PRKAA2: variants seen among roughly 807,000 people sequenced by gnomAD.
PRKAA2 encodes 5'-AMP-activated protein kinase catalytic subunit alpha-2.
A neutral mutation model predicts 56.3 loss-of-function variants in PRKAA2; 40 were observed. The observed-to-expected ratio is 0.71, with a 90% CI of 0.55 to 0.92. PRKAA2 has a LOEUF of 0.92. Among genes scored for constraint, PRKAA2 ranks in the 40% least tolerant of loss-of-function variants. The pLI, the probability that PRKAA2 is intolerant of heterozygous loss-of-function variation, is 0.00. For missense variants in PRKAA2, 542 were observed against 686.9 expected, an observed-to-expected ratio of 0.79 and a Z score of 2.36; for synonymous variants, 214 against 234.2, an observed-to-expected ratio of 0.91 and a Z score of 0.79.
chr1:56,678,460 A>T (rs941951025), intron 2 of PRKAA2, among the ~76,000 whole-genome samples: 1 of 152,174 alleles, frequency 6.6e-6, no homozygotes, highest in African/African-American at 2.4e-5. Flanking sequence ...TTATTGCATG[A>T]TTTCTTTATT....
Position 56,704,299 on chromosome 1 carries a change from C to G in PRKAA2, c.1117C>G (p.Leu373Val). The G allele has an allele frequency of 1.2e-6, 2 of 1,614,124 alleles. No individual in the cohort carries two copies. The highest frequency in any genetic ancestry group is 8.5e-7 in the Non-Finnish European group (1 of 1,180,030). ...ACCTCATCCAGAAAGGATGCCACCT[C>G]TTATAGCAGACAGCCCCAAAGCAAG... ...LKPHPERMPP[L>V]IADSPKARCP... Residue 373 changes from leucine to valine, a missense_variant, in exon 7 of 9, where the codon CTT (leucine) becomes GTT (valine). Leu to Val is a conservative substitution (Grantham distance 32). Around this residue, in one of 5 missense-constraint regions of PRKAA2, gnomAD observed 198 missense variants for 234.0 expected, o/e 0.85. Transcript: ENST00000371244.
rs143316403 is a variant in PRKAA2 at position 56,682,876 on chromosome 1, T to A, written c.236+8354T>A. Reference sequence around the variant, plus strand: ...GGTTGTCTGGTCACACTAGCCACATTTCAAGTACTTAATAGCTGCATATGT... The same window carrying A: ...GGTTGTCTGGTCACACTAGCCACATATCAAGTACTTAATAGCTGCATATGT... On this transcript the variant is annotated intron_variant, in intron 2 of 8. Coordinates refer to ENST00000371244, the MANE Select transcript of PRKAA2 (RefSeq NM_006252.4). Among the ~76,000 whole-genome samples the A allele has an allele frequency of 1.6e-3, 237 of 152,218 alleles. 1 individual carries two copies. The highest frequency in any genetic ancestry group is 5.5e-3 in the African/African-American group (227 of 41,554).
intron 1 of PRKAA2, among the ~76,000 whole-genome samples, chr1:56,652,174 T>G (rs1013573880): frequency 6.6e-6 from 1 of 151,282 alleles, no homozygotes; most frequent in African/African-American, 2.4e-5. Context: ...CACCACGCCC[T>G]GCTAATTTTT....
At chr1:56,665,970 G>A (rs1644033068) in intron 1 of PRKAA2, among the ~76,000 whole-genome samples, 1 of 152,010 alleles carries the variant, frequency 6.6e-6, no homozygotes. Context: ...GAAGCTTCTG[G>A]AATGCAGTAC....
chr1:56,689,736 G>A (rs983925985), intron 2 of PRKAA2, among the ~76,000 whole-genome samples: 1 of 152,002 alleles, frequency 6.6e-6, no homozygotes, highest in African/African-American at 2.4e-5. Context: ...AAGAAAAAAA[G>A]TAACTAATTT....
chr1:56,677,648 G>C (rs1342428380), intron 2 of PRKAA2, among the ~76,000 whole-genome samples: 2 of 124,600 alleles, frequency 1.6e-5, no homozygotes, highest in Admixed American at 2.1e-4. Flanking sequence ...GGATTCTAAG[G>C]CTTCTTTTCC....
chr1:56,691,085 T>A (rs2100423131), intron 2 of PRKAA2, among the ~76,000 whole-genome samples: 1 of 152,326 alleles, frequency 6.6e-6, no homozygotes, highest in Middle Eastern at 3.4e-3. Flanking sequence ...ATGTGATACC[T>A]CATCTCCTTT....
intron 1 of PRKAA2, among the ~76,000 whole-genome samples, chr1:56,653,905 T>C (rs1569706672): frequency 6.6e-6 from 1 of 152,112 alleles, no homozygotes; most frequent in South Asian, 2.1e-4. Flanking sequence ...CATATATATG[T>C]ATGTATGTAT....
chr1:56,704,519 T>G (rs1197574014), intron 7 of PRKAA2, 44 bp downstream of exon 7: 2 of 1,531,414 alleles, frequency 1.3e-6, no homozygotes, highest in South Asian at 2.6e-5. Flanking sequence ...GAAGCCATTT[T>G]TCTATATTAT....
chr1:56,655,280 A>ATATATATATATATTTTTTTTTTTTTT, intron 1 of PRKAA2, among the ~76,000 whole-genome samples: 7 of 93,654 alleles, frequency 7.5e-5, no homozygotes, highest in African/African-American at 2.7e-4. Flanking sequence ...ATATATATAT[A>ATATATATATATATTTTTTTTTTTTTT]TTTTTTTTTT....
At chr1:56,651,634 T>A (rs1643898342) in intron 1 of PRKAA2, among the ~76,000 whole-genome samples, 1 of 152,222 alleles carries the variant, frequency 6.6e-6, no homozygotes, top group Non-Finnish European at 1.5e-5. Context: ...AAATAAGATT[T>A]AAATGTCTTT....
Position 56,660,537 on chromosome 1 carries a change from A to G in PRKAA2, c.95-13844A>G, listed in dbSNP as rs570021598. On this transcript the variant is annotated intron_variant, in intron 1 of 8. Coordinates refer to ENST00000371244, the MANE Select transcript of PRKAA2 (RefSeq NM_006252.4). ...TGCATTGTCCCTCCCTCCTTAGCCT[A>G]TCACTACTAGACTCTATCCCTTCAC... Among the ~76,000 whole-genome samples the G allele has an allele frequency of 2.6e-5, 4 of 152,280 alleles. No individual in the cohort carries two copies. The East Asian group carries it at 5.8e-4, about 22-fold the overall frequency.
chr1:56,649,562 T>TAGA (rs1557540048), intron 1 of PRKAA2, among the ~76,000 whole-genome samples: 1 of 152,042 alleles, frequency 6.6e-6, no homozygotes, highest in Non-Finnish European at 1.5e-5. Flanking sequence ...AGATAGATAG[T>TAGA]TAGATAAATG....
chr1:56,676,313 T>C (rs1644112712), intron 2 of PRKAA2, among the ~76,000 whole-genome samples: 1 of 151,348 alleles, frequency 6.6e-6, no homozygotes, highest in African/African-American at 2.4e-5. Context: ...AGGAGAAGAG[T>C]AGAAGAAAAG....
intron 1 of PRKAA2, among the ~76,000 whole-genome samples, chr1:56,657,214 G>A (rs1333786150): frequency 6.6e-6 from 1 of 151,826 alleles, no homozygotes; most frequent in Non-Finnish European, 1.5e-5. Flanking sequence ...GCCAGGGGGT[G>A]GGGTAAAAAA....
chr1:56,675,044 T>C (rs931178998), intron 2 of PRKAA2, among the ~76,000 whole-genome samples: 1 of 152,094 alleles, frequency 6.6e-6, no homozygotes, highest in Non-Finnish European at 1.5e-5. Context: ...TGTGTTTTTT[T>C]CCCCTTGGAA....
chr1:56,667,147 A>G (rs1489828155), intron 1 of PRKAA2, among the ~76,000 whole-genome samples: 1 of 152,204 alleles, frequency 6.6e-6, no homozygotes, highest in Non-Finnish European at 1.5e-5. Context: ...TTCAGGGTCT[A>G]CAGAAAATAA....
chr1:56,687,295 C>T (rs1323562256), intron 2 of PRKAA2, among the ~76,000 whole-genome samples: 2 of 152,064 alleles, frequency 1.3e-5, no homozygotes, highest in Non-Finnish European at 2.9e-5. Context: ...AAAATAACTT[C>T]TAGAATATTA....
chr1:56,652,060 T>A (rs1300532283), intron 1 of PRKAA2, among the ~76,000 whole-genome samples: 1 of 149,220 alleles, frequency 6.7e-6, no homozygotes, highest in African/African-American at 2.5e-5. Context: ...GTCACCAGTC[T>A]GGAGTGCAGT....
Sources: allele counts gnomAD v4.1 joint callset (sites outside exome capture counted in the v4.1 genomes callset), GRCh38; gene constraint gnomAD v4.1.1; regional missense constraint gnomAD v4.1.1; transcripts MANE v1.5; gene names NCBI Gene and HGNC (gene_info 2026-07-23, HGNC 2026-07-21).